The following PCDH11X variants were observed in gnomAD, a reference collection of about 807,000 sequenced individuals.
PCDH11X encodes the protein protocadherin 11 X-linked, also known as protocadherin-11 X-linked.
Under a neutral mutation model 53.3 loss-of-function variants are expected in PCDH11X, and 18 were observed. That is an observed-to-expected ratio of 0.34 (90% CI 0.23 to 0.50). The LOEUF (loss-of-function observed/expected upper bound fraction) is 0.50. Ranked by LOEUF, PCDH11X falls within the 20% of genes least tolerant of loss-of-function variation. PCDH11X has a pLI of 0.98. For synonymous variants in PCDH11X, 279 were observed against 393.3 expected, an observed-to-expected ratio of 0.71 and a Z score of 3.44; for missense variants, 570 against 1,032.4, an observed-to-expected ratio of 0.55 and a Z score of 6.14.
At chrX:92,079,565 T>G (rs1295526015) in intron 6 of PCDH11X, among the ~76,000 whole-genome samples, 5 of 111,032 alleles carry the variant, frequency 4.5e-5, no homozygotes, top group Non-Finnish European at 9.4e-5. Context: ...AAGGCCATTT[T>G]CTCTTTTCTA....
At chrX:92,379,307 G>T (rs1294274310) in intron 8 of PCDH11X, among the ~76,000 whole-genome samples, 10 of 113,134 alleles carry the variant, frequency 8.8e-5, no homozygotes, top group Admixed American at 1.9e-4. Context: ...TTGGAGCAAA[G>T]TTGAGGCCAA....
intron 7 of PCDH11X, among the ~76,000 whole-genome samples, chrX:92,225,774 T>C (rs754273881): frequency 8.9e-6 from 1 of 112,008 alleles, no homozygotes; most frequent in South Asian, 3.7e-4. Context: ...GTGGCAGAGT[T>C]AGAAACCAGA....
intron 10 of PCDH11X, among the ~76,000 whole-genome samples, chrX:92,576,011 TACAC>T (rs1243169398): frequency 1.8e-4 from 5 of 28,084 alleles, no homozygotes; most frequent in Non-Finnish European, 3.2e-4. Context: ...TATATATATA[TACAC>T]ACACACACAC....
intron 10 of PCDH11X, among the ~76,000 whole-genome samples, chrX:92,597,998 C>T (rs1925817737): frequency 1.8e-5 from 2 of 111,531 alleles, no homozygotes; most frequent in Non-Finnish European, 3.8e-5. Flanking sequence ...GACTAGATCC[C>T]TATCTCTCAC....
intron 6 of PCDH11X, among the ~76,000 whole-genome samples, chrX:92,058,912 C>T (rs2063488864): frequency 9.0e-6 from 1 of 110,909 alleles, no homozygotes; most frequent in South Asian, 3.8e-4. Context: ...AGATTCCTCT[C>T]TTGTCAATGG....
chrX:91,903,265 T>C (rs1602462973), intron 6 of PCDH11X, among the ~76,000 whole-genome samples: 1 of 111,770 alleles, frequency 8.9e-6, no homozygotes, highest in South Asian at 3.7e-4. Flanking sequence ...ATATCTCTAA[T>C]CTTGTTTCAC....
intron 7 of PCDH11X, among the ~76,000 whole-genome samples, chrX:92,221,363 G>A (rs1186770983): frequency 9.6e-6 from 1 of 104,077 alleles, no homozygotes; most frequent in Admixed American, 1.1e-4. Flanking sequence ...GTGCAGATTG[G>A]TTCTGGTCCG....
chrX:92,374,341 G>A (rs1333440423), intron 8 of PCDH11X, among the ~76,000 whole-genome samples: 8 of 97,572 alleles, frequency 8.2e-5, no homozygotes, highest in Middle Eastern at 4.5e-3. Flanking sequence ...TGAATTATGT[G>A]TAACTCACAT....
chrX:92,118,064 TA>T (rs1382883972), intron 6 of PCDH11X, among the ~76,000 whole-genome samples: 1 of 111,650 alleles, frequency 9.0e-6, no homozygotes, highest in Non-Finnish European at 1.9e-5. Flanking sequence ...ACTGCTGTTT[TA>T]AAACAGTAGT....
intron 6 of PCDH11X, among the ~76,000 whole-genome samples, chrX:92,057,386 A>G (rs2063464847): frequency 9.2e-6 from 1 of 108,453 alleles, no homozygotes; most frequent in Non-Finnish European, 1.9e-5. Flanking sequence ...TAAAGCTAAC[A>G]TGCAGTACAT....
rs754942077 is a variant in PCDH11X at position 92,167,458 on chromosome X, A to C, written c.3034-33917A>C. On this transcript the variant is annotated intron_variant, in intron 6 of 10. Transcript: ENST00000682573. Reference sequence around the variant, plus strand: ...AAGTATCTTAATGATATTTAATTTCAGGGAATTGTGTGGCTCTTGAAAGAG... The same window carrying C: ...AAGTATCTTAATGATATTTAATTTCCGGGAATTGTGTGGCTCTTGAAAGAG... Among the ~76,000 whole-genome samples the C allele has an allele frequency of 1.2e-4, 13 of 112,049 alleles. No homozygotes were observed. In the Admixed American group the frequency reaches 1.2e-3, roughly 11 times the overall value.
chrX:91,839,354 C>T (rs975803322), intron 5 of PCDH11X, among the ~76,000 whole-genome samples: 1 of 108,227 alleles, frequency 9.2e-6, no homozygotes, highest in South Asian at 4.0e-4. Context: ...TAGCTCACAC[C>T]TGTAATCCCA....
chrX:92,074,291 A>C (rs1017820272), intron 6 of PCDH11X, among the ~76,000 whole-genome samples: 25 of 111,318 alleles, frequency 2.2e-4, no homozygotes, highest in Admixed American at 7.7e-4. Context: ...AAACGATGGC[A>C]GTTTTTCTAT....
chrX:92,605,996 C>A, intron 10 of PCDH11X, among the ~76,000 whole-genome samples: 1 of 110,424 alleles, frequency 9.1e-6, no homozygotes, highest in Admixed American at 9.6e-5. Context: ...CTTTGGGAGA[C>A]CGAGGCGGGC....
chrX:92,279,729 A>G (rs897827894), intron 8 of PCDH11X, among the ~76,000 whole-genome samples: 4 of 112,498 alleles, frequency 3.6e-5, no homozygotes, highest in Admixed American at 2.8e-4. Flanking sequence ...TAGTTGGTAC[A>G]TATTTGGCAA....
chrX:92,132,633 A>ATG (rs1168120977), intron 6 of PCDH11X, among the ~76,000 whole-genome samples: 13 of 65,185 alleles, frequency 2.0e-4, no homozygotes, highest in East Asian at 3.0e-3. Context: ...ATATATATAT[A>ATG]TGTATATATA....
At chrX:92,323,560 TTTTAA>T (rs1160049863) in intron 8 of PCDH11X, among the ~76,000 whole-genome samples, 6 of 110,883 alleles carry the variant, frequency 5.4e-5, no homozygotes, top group Non-Finnish European at 1.9e-5. Flanking sequence ...CTTTCTTTTT[TTTTAA>T]TTTAATTTAA....
intron 8 of PCDH11X, among the ~76,000 whole-genome samples, chrX:92,347,707 A>C (rs1183579284): frequency 8.9e-6 from 1 of 111,772 alleles, no homozygotes; most frequent in Admixed American, 9.5e-5. Context: ...ATAACCTCAT[A>C]GATAGTTTCT....
intron 10 of PCDH11X, among the ~76,000 whole-genome samples, chrX:92,473,041 G>T (rs1320934609): frequency 5.3e-4 from 51 of 96,327 alleles, no homozygotes; most frequent in Middle Eastern, 5.1e-3. Context: ...TTTTTTGTTT[G>T]TTTTTTTTTT....
Sources: gnomAD v4.1 joint callset for allele counts (sites outside exome capture counted in the v4.1 genomes callset) on GRCh38, gnomAD v4.1.1 for gene constraint, MANE v1.5 for transcripts, NCBI Gene and HGNC (gene_info 2026-07-23, HGNC 2026-07-21) for gene names.